Variants in MAP9 observed in about 807,000 individuals in gnomAD.
MAP9 encodes the protein microtubule-associated protein 9.
MAP9 carries 80 observed loss-of-function variants against 75.2 expected under a neutral mutation model. That is an observed-to-expected ratio of 1.06 (90% CI 0.89 to 1.28). The LOEUF (loss-of-function observed/expected upper bound fraction) is 1.28. MAP9 is among the 50% of genes most tolerant of loss of function. The pLI, the probability that MAP9 is intolerant of heterozygous loss-of-function variation, is 0.00. For synonymous variants in MAP9, 235 were observed against 237.3 expected (o/e 0.99, Z 0.09); for missense variants, 753 against 719.9 (o/e 1.05, Z -0.53).
intron 5 of MAP9, 79 bp from the exon 6 acceptor site, chr4:155,362,220 T>A (rs1431671151): frequency 1.1e-6 from 1 of 897,484 alleles, no homozygotes; most frequent in African/African-American, 1.7e-5. Flanking sequence ...TTATTAAAAC[T>A]ACAAATTGAA....
chr4:155,351,467 G>A (rs6829263), intron 13 of MAP9, among the ~76,000 whole-genome samples: 1 of 148,662 alleles, frequency 6.7e-6, no homozygotes, highest in Non-Finnish European at 1.5e-5. Flanking sequence ...AAAAAAAACA[G>A]AAATCTGACA....
intron 10 of MAP9, 129 bp downstream of exon 10, chr4:155,354,942 C>A: frequency 2.1e-6 from 1 of 475,472 alleles, no homozygotes; most frequent in South Asian, 3.2e-5. Flanking sequence ...AGAAGTAAAA[C>A]CGGAAATCAT....
chr4:155,362,151 C>CAA lies in MAP9; in HGVS notation c.709-12_709-11dup. On this transcript the variant is annotated splice_polypyrimidine_tract_variant and intron_variant, in intron 5 of 13. Coordinates refer to ENST00000311277, the MANE Select transcript of MAP9 (RefSeq NM_001039580.2). ...TTGTTAAGCATGAATCCTGTTTTCGCAAAAAAAAATACATTTGCCACATAA... is the reference window on the plus strand; with the variant it reads ...TTGTTAAGCATGAATCCTGTTTTCGCAAAAAAAAAAATACATTTGCCACATAA... 7.2e-6 allele frequency: 10 copies of CAA among 1,386,342 alleles called. No homozygotes were observed. The highest frequency in any genetic ancestry group is 2.5e-5 in the East Asian group (1 of 40,380). 85.9% of individuals were successfully genotyped at this position (1,386,342 alleles called of 1,614,324 possible). A position where few individuals can be genotyped will look rare whatever the true frequency, so the allele number is the denominator to read the frequency against.
intron 3 of MAP9, among the ~76,000 whole-genome samples, chr4:155,373,830 T>C (rs1049846567): frequency 6.6e-6 from 1 of 152,198 alleles, no homozygotes; most frequent in African/African-American, 2.4e-5. Flanking sequence ...TACTTCTTCA[T>C]GTAAAATCAA....
intron 13 of MAP9, chr4:155,350,139 T>G: frequency 2.9e-6 from 1 of 346,962 alleles, no homozygotes; most frequent in Non-Finnish European, 5.6e-6. Flanking sequence ...CACCAAATGC[T>G]TACTGTTCAA....
At chr4:155,361,083 G>A (rs1417554902) in intron 6 of MAP9, 2 of 151,964 alleles carry the variant, frequency 1.3e-5, no homozygotes, top group Non-Finnish European at 2.9e-5. Context: ...TTTTGGAATG[G>A]GATCACCAAC....
At chr4:155,355,646 T>C in intron 9 of MAP9, 70 bp downstream of exon 9, 1 of 1,204,986 alleles carries the variant, frequency 8.3e-7, no homozygotes, top group South Asian at 1.9e-5. Context: ...GATTACTTTA[T>C]TCTTTATAAA....
At chr4:155,371,913 C>T (rs146851857) in intron 4 of MAP9, among the ~76,000 whole-genome samples, 58 of 152,232 alleles carry the variant, frequency 3.8e-4, no homozygotes, top group African/African-American at 1.3e-3. Flanking sequence ...TTAGAAGGTA[C>T]ATTTTAACAA....
intron 13 of MAP9, among the ~76,000 whole-genome samples, chr4:155,348,431 A>G (rs1731364401): frequency 6.6e-6 from 1 of 152,184 alleles, no homozygotes; most frequent in Non-Finnish European, 1.5e-5. Context: ...TTAAACTTTA[A>G]AAGTGAAAAC....
At chr4:155,363,819 A>C (rs1732199558) in intron 5 of MAP9, among the ~76,000 whole-genome samples, 1 of 152,176 alleles carries the variant, frequency 6.6e-6, no homozygotes, top group Non-Finnish European at 1.5e-5. Flanking sequence ...CTTAAAAACA[A>C]AGAGGAAAAA....
chr4:155,364,227 A>G (rs1732220589), intron 5 of MAP9, among the ~76,000 whole-genome samples: 1 of 152,090 alleles, frequency 6.6e-6, no homozygotes, highest in Non-Finnish European at 1.5e-5. Flanking sequence ...GACAAGAAGA[A>G]TACAATCACA....
intron 5 of MAP9, among the ~76,000 whole-genome samples, chr4:155,365,632 T>A (rs1025811212): frequency 6.6e-6 from 1 of 152,214 alleles, no homozygotes; most frequent in East Asian, 1.9e-4. Context: ...TAATAATTTT[T>A]AAAAATTTGA....
At chr4:155,354,326 A>C (rs966605315) in intron 10 of MAP9, 1 of 152,210 alleles carries the variant, frequency 6.6e-6, no homozygotes, top group Non-Finnish European at 1.5e-5. Flanking sequence ...AGACAGGAAC[A>C]AAAGTTCACC....
chr4:155,347,747 C>T lies in MAP9; in HGVS notation c.*36G>A, dbSNP rs1731332597. On this transcript the variant is annotated 3_prime_UTR_variant, in exon 14 of 14. Transcript: ENST00000311277. The stretch of plus-strand genomic sequence containing the variant: ...TAAATCTATGGCTAATATTGGCAAA[C>T]CGATAAATAACCAAATAATGTAAGA... 2 of 1,556,518 alleles carry T rather than the reference C, an allele frequency of 1.3e-6. No individual in the cohort carries two copies. Among genetic ancestry groups the T allele is most frequent in the African/African-American group, 2.8e-5 (2 of 72,412 alleles).
chr4:155,344,334 G>A lies in MAP9; in HGVS notation c.*3449C>T, dbSNP rs1450095506. On this transcript the variant is annotated 3_prime_UTR_variant, in exon 14 of 14. Coordinates refer to ENST00000311277, the MANE Select transcript of MAP9 (RefSeq NM_001039580.2). ...AAAGTTTTATCAATATCGAAATTGT[G>A]GAATGGTGAGCAGAATACAACTGGG... 6.6e-6 allele frequency: 1 copy of A among 151,876 alleles called. No individual in the cohort carries two copies. Among genetic ancestry groups the A allele is most frequent in the African/African-American group, 2.4e-5 (1 of 41,388 alleles). 9.4% of individuals were successfully genotyped at this position (151,876 alleles called of 1,614,324 possible).
chr4:155,359,214 C>CACAA (rs1731948310), intron 7 of MAP9, among the ~76,000 whole-genome samples: 1 of 117,110 alleles, frequency 8.5e-6, no homozygotes, highest in Admixed American at 7.9e-5. Flanking sequence ...TGTGTATACA[C>CACAA]ACACACACAC....
In MAP9 at chr4:155,347,658, T is replaced by C; in HGVS notation, c.*125A>G. 4.4e-6 allele frequency: 4 copies of C among 911,956 alleles called. No individual in the cohort carries two copies. The highest frequency in any genetic ancestry group is 6.2e-6 in the Non-Finnish European group (4 of 640,586). 56.5% of individuals were successfully genotyped at this position (911,956 alleles called of 1,614,324 possible). ...ACATTCCAAAGTATTTCTTTCATTGTCAGCAGGAGTGTCTGGCATTTAATT... is the reference window on the plus strand; with the variant it reads ...ACATTCCAAAGTATTTCTTTCATTGCCAGCAGGAGTGTCTGGCATTTAATT... On this transcript the variant is annotated 3_prime_UTR_variant, in exon 14 of 14. Transcript: ENST00000311277.
chr4:155,370,990 A>G (rs1732568011), intron 4 of MAP9, among the ~76,000 whole-genome samples: 1 of 152,198 alleles, frequency 6.6e-6, no homozygotes, highest in Non-Finnish European at 1.5e-5. Context: ...TCTCATGCCC[A>G]AAGTCACAAA....
At position 155,376,884 on chromosome 4, in the gene MAP9, G is replaced by C. The variant is rs1732874924; in HGVS notation, c.-178C>G. The C allele has an allele frequency of 1.3e-5, 2 of 152,740 alleles. No individual in the cohort carries two copies. Among genetic ancestry groups the C allele is most frequent in the Non-Finnish European group, 2.9e-5 (2 of 68,166 alleles). 9.5% of individuals were successfully genotyped at this position (152,740 alleles called of 1,614,324 possible). ...GGAAACAGCGTCTTCGGGAGGAAGT[G>C]ACTTCCCCACCGCCGGGTCTCTCGG... On this transcript the variant is annotated 5_prime_UTR_variant, in exon 1 of 14. Coordinates refer to ENST00000311277, the MANE Select transcript of MAP9 (RefSeq NM_001039580.2).
Sources: gnomAD v4.1 joint callset for allele counts (sites outside exome capture counted in the v4.1 genomes callset) on GRCh38, gnomAD v4.1.1 for gene constraint, MANE v1.5 for transcripts, NCBI Gene and HGNC (gene_info 2026-07-23, HGNC 2026-07-21) for gene names.